The following OSBPL9 variants were observed in gnomAD, a reference collection of about 807,000 sequenced individuals.
OSBPL9 encodes the protein oxysterol binding protein like 9.
Under a neutral mutation model 106.6 loss-of-function variants are expected in OSBPL9, and 40 were observed. That is an observed-to-expected ratio of 0.38 (90% confidence interval 0.29 to 0.49). OSBPL9 has a LOEUF of 0.49. Ranked by LOEUF, OSBPL9 falls within the 20% of genes least tolerant of loss-of-function variation. OSBPL9 has a pLI of 0.97. For synonymous variants in OSBPL9, 269 were observed against 295.4 expected (o/e 0.91, Z 0.92); for missense variants, 609 against 887.2 (o/e 0.69, Z 3.98).
chr1:51,537,500 A>G, the OSBPL9 span, among the ~76,000 whole-genome samples: 1 of 152,162 alleles, frequency 6.6e-6, no homozygotes, highest in East Asian at 1.9e-4. Context: ...CTTCTAGGCC[A>G]TTTTAGTAAA....
At chr1:51,564,895 A>C in the OSBPL9 span, among the ~76,000 whole-genome samples, 2 of 152,162 alleles carry the variant, frequency 1.3e-5, no homozygotes, top group Non-Finnish European at 2.9e-5. Flanking sequence ...CATGGTCCTC[A>C]CCAGGAGGGG....
chr1:51,521,363 C>T, the OSBPL9 span, among the ~76,000 whole-genome samples: 1 of 152,128 alleles, frequency 6.6e-6, no homozygotes, highest in Non-Finnish European at 1.5e-5. Flanking sequence ...GGGACTCCTC[C>T]AAACCATATG....
At chr1:51,618,299 G>A (rs186709519) in intron 1 of OSBPL9, among the ~76,000 whole-genome samples, 1 of 152,120 alleles carries the variant, frequency 6.6e-6, no homozygotes, top group East Asian at 1.9e-4. Context: ...GATTACAGAC[G>A]TGAGCCACCG....
the OSBPL9 span, chr1:51,519,267 G>T: frequency 7.8e-7 from 1 of 1,277,832 alleles, no homozygotes; most frequent in East Asian, 3.0e-5. Context: ...GAAGGAAGAC[G>T]GGCTGACTGG....
the OSBPL9 span, among the ~76,000 whole-genome samples, chr1:51,552,297 A>G: frequency 6.6e-6 from 1 of 152,174 alleles, no homozygotes; most frequent in Non-Finnish European, 1.5e-5. Context: ...TTGAACAGGT[A>G]CTCAAGTACT....
intron 4 of OSBPL9, among the ~76,000 whole-genome samples, chr1:51,721,608 T>C (rs1662137672): frequency 6.6e-6 from 1 of 152,198 alleles, no homozygotes; most frequent in South Asian, 2.1e-4. Flanking sequence ...TTAATAAAAA[T>C]CTTTTGAGCA....
chr1:51,638,809 C>T (rs1645606052), intron 1 of OSBPL9, among the ~76,000 whole-genome samples: 1 of 151,664 alleles, frequency 6.6e-6, no homozygotes, highest in Admixed American at 6.6e-5. Flanking sequence ...GACTCTGTCT[C>T]ATAAAAATAA....
intron 1 of OSBPL9, among the ~76,000 whole-genome samples, chr1:51,632,240 C>T (rs903565499): frequency 1.2e-4 from 19 of 152,060 alleles, no homozygotes; most frequent in African/African-American, 3.4e-4. Context: ...ATATTTTATA[C>T]GTCTGGCAGC....
chr1:51,552,905 G>C, the OSBPL9 span, among the ~76,000 whole-genome samples: 4 of 151,702 alleles, frequency 2.6e-5, no homozygotes, highest in Non-Finnish European at 5.9e-5. Flanking sequence ...TTATAGTCGT[G>C]GGCCACCATA....
At chr1:51,659,622 A>G (rs1647018679) in intron 2 of OSBPL9, among the ~76,000 whole-genome samples, 1 of 152,042 alleles carries the variant, frequency 6.6e-6, no homozygotes, top group African/African-American at 2.4e-5. Context: ...AAGTAATAAA[A>G]TAAACCCTGG....
intron 1 of OSBPL9, among the ~76,000 whole-genome samples, chr1:51,638,045 A>C (rs770635717): frequency 2.0e-5 from 3 of 152,202 alleles, no homozygotes; most frequent in Non-Finnish European, 2.9e-5. Context: ...ATGATCTTGT[A>C]TATATCTCTG....
chr1:51,640,885 A>G (rs1457450675), intron 1 of OSBPL9, among the ~76,000 whole-genome samples: 3 of 151,576 alleles, frequency 2.0e-5, no homozygotes, highest in Non-Finnish European at 4.4e-5. Flanking sequence ...CTGGGCTAAC[A>G]GGATCCTTCC....
At chr1:51,557,165 A>G in the OSBPL9 span, among the ~76,000 whole-genome samples, 1 of 152,178 alleles carries the variant, frequency 6.6e-6, no homozygotes, top group Non-Finnish European at 1.5e-5. Flanking sequence ...TGGCCAAAAA[A>G]GTTTTCTTGT....
intron 8 of OSBPL9, among the ~76,000 whole-genome samples, chr1:51,751,913 A>G (rs72898098): frequency 0.12 from 18,757 of 152,218 alleles, 1,268 homozygotes; most frequent in Middle Eastern, 0.22. Context: ...TTCGCAATGG[A>G]TAACTTGGAT....
chr1:51,530,170 C>CAAAAAAAAAAAAAAAAAAAAA, the OSBPL9 span, among the ~76,000 whole-genome samples: 8 of 11,024 alleles, frequency 7.3e-4, no homozygotes, highest in Non-Finnish European at 9.8e-4. Context: ...GACTCTGTCT[C>CAAAAAAAAAAAAAAAAAAAAA]AAAAAAAAAA....
the OSBPL9 span, among the ~76,000 whole-genome samples, chr1:51,554,142 ACT>A: frequency 3.9e-5 from 6 of 152,146 alleles, no homozygotes; most frequent in African/African-American, 1.4e-4. Flanking sequence ...ACACAGGAAG[ACT>A]CTGTCTCTTA....
chr1:51,705,119 A>G (rs1658148264), intron 3 of OSBPL9, among the ~76,000 whole-genome samples: 1 of 151,924 alleles, frequency 6.6e-6, no homozygotes, highest in Non-Finnish European at 1.5e-5. Flanking sequence ...TTCACTTTTT[A>G]AAAATCTTTT....
intron 4 of OSBPL9, among the ~76,000 whole-genome samples, chr1:51,732,516 T>C (rs1664689552): frequency 6.6e-6 from 1 of 152,236 alleles, no homozygotes; most frequent in African/African-American, 2.4e-5. Flanking sequence ...TCCTTAAATA[T>C]TTTAATGAAG....
At chr1:51,602,931 G>A (rs1418906176) in intron 2 of OSBPL9, among the ~76,000 whole-genome samples, 5 of 152,210 alleles carry the variant, frequency 3.3e-5, no homozygotes, top group African/African-American at 1.2e-4. Flanking sequence ...CAAGGCAGGA[G>A]GATCACTTGA....
Sources: gnomAD v4.1 joint callset for allele counts (sites outside exome capture counted in the v4.1 genomes callset) on GRCh38, gnomAD v4.1.1 for gene constraint, MANE v1.5 for transcripts, NCBI Gene and HGNC (gene_info 2026-07-23, HGNC 2026-07-21) for gene names.